Variants in FBN3 observed in about 807,000 individuals in gnomAD.
FBN3 encodes fibrillin 3.
In FBN3, 234 loss-of-function variants were observed where a neutral mutation model predicts 330.1. The ratio of observed to expected loss-of-function variants is 0.71; its 90% CI spans 0.64 to 0.79. FBN3 has a LOEUF of 0.79. Among genes scored for constraint, FBN3 ranks in the 30% least tolerant of loss-of-function variants. The pLI is 0.00. For missense variants in FBN3, 3,606 were observed against 3,886.9 expected (o/e 0.93, Z 1.92); for synonymous variants, 1,458 against 1,517.3 (o/e 0.96, Z 0.91).
At chr19:8,144,999 G>C (rs1256807627) in intron 5 of FBN3, 27 bp from the exon 6 acceptor site, 1 of 1,581,990 alleles carries the variant, frequency 6.3e-7, no homozygotes, top group African/African-American at 1.3e-5. Context: ...GTGATGGCTG[G>C]AGGTCCCCCA....
At chr19:8,115,212 G>C (rs1017131868) in intron 30 of FBN3, among the ~76,000 whole-genome samples, 8 of 152,184 alleles carry the variant, frequency 5.3e-5, no homozygotes, top group African/African-American at 1.9e-4. Context: ...CAGCCACAGG[G>C]AACTAACACA....
At chr19:8,071,314 G>C (rs2081506374) in intron 63 of FBN3, among the ~76,000 whole-genome samples, 1 of 152,214 alleles carries the variant, frequency 6.6e-6, no homozygotes, top group African/African-American at 2.4e-5. Context: ...TACGGCTACT[G>C]AGTGGTGTGT....
At chr19:8,075,483 C>T in intron 59 of FBN3, 72 bp from the exon 60 acceptor site, 2 of 1,508,044 alleles carry the variant, frequency 1.3e-6, no homozygotes, top group Non-Finnish European at 1.8e-6. Context: ...CAATGCCAGT[C>T]CCACCACTGT....
intron 52 of FBN3, 23 bp downstream of exon 52, chr19:8,088,037 G>A: frequency 1.2e-6 from 2 of 1,614,098 alleles, no homozygotes; most frequent in African/African-American, 1.3e-5. Context: ...CACGGCCCAG[G>A]TCCTGGGCAA....
chr19:8,113,671 T>G (rs1343367414), intron 30 of FBN3, among the ~76,000 whole-genome samples: 1 of 151,902 alleles, frequency 6.6e-6, no homozygotes, highest in Non-Finnish European at 1.5e-5. Flanking sequence ...ATCACACCAC[T>G]GCACTATAGC....
intron 30 of FBN3, among the ~76,000 whole-genome samples, chr19:8,113,283 C>T (rs1026154597): frequency 1.3e-5 from 2 of 151,990 alleles, no homozygotes; most frequent in African/African-American, 2.4e-5. Flanking sequence ...TTTTTTCCCC[C>T]TGAGGCATGG....
At chr19:8,075,867 T>C (rs1436040344) in intron 59 of FBN3, among the ~76,000 whole-genome samples, 2 of 152,196 alleles carry the variant, frequency 1.3e-5, no homozygotes, top group African/African-American at 4.8e-5. Flanking sequence ...TTTGTTCCCA[T>C]GGAAACCTGA....
rs1332276784 is a variant in FBN3, at chr19:8,096,827, C to T, written c.5413+54G>A. ...GGACAGAGCCATACCCCATCTAAGTCCCCATGGGTGACAGAGCCCAGCTCC... is the reference window on the plus strand; with the variant it reads ...GGACAGAGCCATACCCCATCTAAGTTCCCATGGGTGACAGAGCCCAGCTCC... On this transcript the variant is annotated intron_variant, in intron 43 of 63. Transcript: ENST00000600128. This position sits in a 1 kb window ranked among gnomAD's most constrained non-coding sequence, Gnocchi z 4.6. 1.3e-6 allele frequency: 2 copies of T among 1,595,226 alleles called. No homozygotes were observed. Among genetic ancestry groups the T allele is most frequent in the East Asian group, 2.2e-5 (1 of 44,784 alleles).
intron 63 of FBN3, among the ~76,000 whole-genome samples, chr19:8,070,942 A>G (rs2081497607): frequency 6.6e-6 from 1 of 151,890 alleles, no homozygotes; most frequent in South Asian, 2.1e-4. Context: ...GAATCGCCTG[A>G]ACCCAAGAGG....
Position 8,125,983 on chromosome 19 carries a change from A to G in FBN3, c.2640T>C (p.Cys880=). The change falls in exon 22 of 64, where the codon TGT becomes TGC. Residue 880 remains cysteine, a synonymous_variant. Coordinates refer to ENST00000600128, the MANE Select transcript of FBN3 (RefSeq NM_032447.5). ...VNECESFPGV[C]PNGRCVNTAG... is the part of the protein sequence containing the mutation. The stretch of plus-strand genomic sequence containing the variant: ...CAGTGTTGACGCAACGCCCGTTGGG[A>G]CAGACTCCCGGGAAGGACTCACACT... 3 of 1,613,936 alleles carry G rather than the reference A, an allele frequency of 1.9e-6. 1 individual carries two copies. In the Middle Eastern group the frequency reaches 5.0e-4, roughly 266 times the overall value.
chr19:8,138,504 G>T lies in FBN3; in HGVS notation c.926C>A (p.Ala309Asp). Residue 309 changes from alanine to aspartate, a missense_variant, in exon 9 of 64, where the codon GCC (alanine) becomes GAC (aspartate). Transcript: ENST00000600128. ...GCACTGCCTGCGAGTGTAGTGGCCG[G>T]CGAGGTCTCCAGCACAGCGGCCCCC... is the stretch of plus-strand genomic sequence containing the variant. Reference protein sequence around the residue: ...LFGGRCAGDLAGHYTRRQCCC... With the variant: ...LFGGRCAGDLDGHYTRRQCCC... 1 of 1,612,866 alleles carries T rather than the reference G, an allele frequency of 6.2e-7. No homozygotes were observed.
In FBN3 at chr19:8,111,918, G is replaced by A. The variant is rs1324867903; in HGVS notation, c.3961+59C>T. ...CCCTCCCACTGCCTTGCCCCCCACC[G>A]CCTTGCCCCCCACCTACCTCTACTG... On this transcript the variant is annotated intron_variant, in intron 31 of 63. Coordinates refer to ENST00000600128, the MANE Select transcript of FBN3 (RefSeq NM_032447.5). 15 of 708,446 alleles carry A rather than the reference G, an allele frequency of 2.1e-5. No homozygotes were observed. In the South Asian group the frequency reaches 2.2e-4, roughly 11 times the overall value. The allele number at this position is 708,446 out of a possible 1,614,324, so 43.9% of individuals were successfully genotyped here. A position where few individuals can be genotyped will look rare whatever the true frequency, so the allele number is the denominator to read the frequency against.
Position 8,096,687 on chromosome 19 carries a change from CA to C in FBN3, c.5414-119del. 2.1e-6 allele frequency: 3 copies of C among 1,417,930 alleles called. No homozygotes were observed. Among genetic ancestry groups the C allele is most frequent in the South Asian group, 1.3e-5 (1 of 75,254 alleles). The allele number at this position is 1,417,930 out of a possible 1,614,324, so 87.8% of individuals were successfully genotyped here. ...TGAAGTTCCCCACTCAAACTTCCAC[CA>C]GGGGCGTCAGGCTGTCTGCATGGAC... is the stretch of plus-strand genomic sequence containing the variant. On this transcript the variant is annotated intron_variant, in intron 43 of 63. Transcript: ENST00000600128. The surrounding 1 kb of genome is among the most constrained non-coding windows in gnomAD (Gnocchi z 4.6).
In FBN3 at chr19:8,096,942, G is replaced by A. The variant is rs139171406; in HGVS notation, c.5352C>T (p.Pro1784=). The A allele has an allele frequency of 1.6e-3, 2,518 of 1,613,732 alleles. 57 individuals carry two copies. The South Asian group carries it at 0.022, about 14-fold the overall frequency. The change falls in exon 43 of 64, where the codon CCC becomes CCT. Residue 1784 remains proline (P), a synonymous_variant. Transcript: ENST00000600128. The surrounding 1 kb of genome is among the most constrained non-coding windows in gnomAD (Gnocchi z 4.6). Reference sequence around the variant, plus strand: ...GGGTGCACTTGCAGCGGTAGCTACCGGGGATGTTGATGCAGTCAGCATTCT... The same window carrying A: ...GGGTGCACTTGCAGCGGTAGCTACCAGGGATGTTGATGCAGTCAGCATTCT... ...CQQNADCINI[P]GSYRCKCTRG...
intron 13 of FBN3, among the ~76,000 whole-genome samples, chr19:8,133,388 T>G (rs1399307864): frequency 6.6e-6 from 1 of 152,262 alleles, no homozygotes; most frequent in African/African-American, 2.4e-5. Flanking sequence ...TGCACAACAT[T>G]GGAAATTTAT....
In FBN3 at chr19:8,106,748, G is replaced by A. The variant is rs1206859223; in HGVS notation, c.4688-515C>T. Reference sequence around the variant, plus strand: ...GGATAAGTGGATGGATGGATGGATGGATGAATGGATGAATAGATGGGAGAT... The same window carrying A: ...GGATAAGTGGATGGATGGATGGATGAATGAATGGATGAATAGATGGGAGAT... On this transcript the variant is annotated intron_variant, in intron 37 of 63. Coordinates refer to ENST00000600128, the MANE Select transcript of FBN3 (RefSeq NM_032447.5). 2.2e-5 allele frequency among the ~76,000 whole-genome samples: 3 copies of A among 135,712 alleles called. No homozygotes were observed. In the East Asian group the frequency reaches 6.1e-4, roughly 28 times the overall value. The allele number at this position is 135,712 out of a possible 152,430, so 89.0% of individuals were successfully genotyped here. A position where few individuals can be genotyped will look rare whatever the true frequency, so the allele number is the denominator to read the frequency against.
At chr19:8,111,925 C>A (rs1156354648) in intron 31 of FBN3, 52 bp downstream of exon 31, 13 of 450,270 alleles carry the variant, frequency 2.9e-5, no homozygotes, top group Non-Finnish European at 4.4e-5. Context: ...ACCGCCTTGC[C>A]CCCCACCTAC....
chr19:8,083,812 T>C (rs537575831), intron 56 of FBN3, among the ~76,000 whole-genome samples: 17 of 148,682 alleles, frequency 1.1e-4, no homozygotes, highest in African/African-American at 3.9e-4. Context: ...TTTCTTTTTT[T>C]TTTTTTTTGA....
rs777521776 is a variant in FBN3, at chr19:8,083,281, C to T, written c.7179G>A (p.Gly2393=). 5.6e-6 allele frequency: 9 copies of T among 1,614,012 alleles called. No individual in the cohort carries two copies. Among genetic ancestry groups the T allele is most frequent in the Non-Finnish European group, 7.6e-6 (9 of 1,180,030 alleles). ...LGSFRCHCQA[G]YTPDATATTC... ...TAGTAGCAGTAGCATCCGGTGTGTA[C>T]CCGGCCTGACAGTGGCAGCGGAAGG... Residue 2393 remains glycine, a synonymous_variant, in exon 57 of 64, where the codon GGG becomes GGA. Coordinates refer to ENST00000600128, the MANE Select transcript of FBN3 (RefSeq NM_032447.5).
Sources: gnomAD v4.1 joint callset for allele counts (sites outside exome capture counted in the v4.1 genomes callset) on GRCh38, gnomAD v4.1.1 for gene constraint, Gnocchi (gnomAD v3.1) non-coding constraint, MANE v1.5 for transcripts, NCBI Gene and HGNC (gene_info 2026-07-23, HGNC 2026-07-21) for gene names.